The following MTA3 variants were observed in gnomAD, a reference collection of about 807,000 sequenced individuals.
The protein encoded by MTA3 is metastasis associated 1 family member 3.
A neutral mutation model predicts 83.5 loss-of-function variants in MTA3; 34 were observed. The ratio of observed to expected loss-of-function variants is 0.41; its 90% CI spans 0.31 to 0.54. The LOEUF (loss-of-function observed/expected upper bound fraction) is 0.54. Among genes scored for constraint, MTA3 ranks in the 20% least tolerant of loss-of-function variants. MTA3 has a pLI of 0.33. For missense variants in MTA3, 761 were observed against 726.4 expected, an observed-to-expected ratio of 1.05 and a Z score of -0.55; for synonymous variants, 303 against 252.7, an observed-to-expected ratio of 1.20 and a Z score of -1.89.
chr2:42,539,360 G>A (rs1369398871), intron 2 of MTA3, among the ~76,000 whole-genome samples: 2 of 152,048 alleles, frequency 1.3e-5, no homozygotes, highest in Non-Finnish European at 2.9e-5. Flanking sequence ...AGGGCAGCAG[G>A]AGAGAGAAGA....
intron 16 of MTA3, among the ~76,000 whole-genome samples, chr2:42,733,370 G>A (rs1668376528): frequency 6.6e-6 from 1 of 152,122 alleles, no homozygotes; most frequent in African/African-American, 2.4e-5. Flanking sequence ...AATAGCACAG[G>A]AAAGACTGGC....
chr2:42,685,372 C>T (rs1692277161), intron 9 of MTA3, among the ~76,000 whole-genome samples: 1 of 152,128 alleles, frequency 6.6e-6, no homozygotes, highest in African/African-American at 2.4e-5. Flanking sequence ...AAATAGACAT[C>T]AGATCGGGCC....
At chr2:42,518,783 T>C (rs1438661497) in intron 2 of MTA3, among the ~76,000 whole-genome samples, 1 of 151,874 alleles carries the variant, frequency 6.6e-6, no homozygotes, top group South Asian at 2.1e-4. Context: ...CTGGGCAACA[T>C]AGGGAGACCT....
At chr2:42,499,913 A>G (rs1421180022) in intron 2 of MTA3, among the ~76,000 whole-genome samples, 1 of 152,066 alleles carries the variant, frequency 6.6e-6, no homozygotes, top group Non-Finnish European at 1.5e-5. Flanking sequence ...TGAAATATGT[A>G]CAGTTTTTTG....
chr2:42,648,768 A>T (rs555105683), intron 6 of MTA3, among the ~76,000 whole-genome samples: 1 of 152,228 alleles, frequency 6.6e-6, no homozygotes, highest in Non-Finnish European at 1.5e-5. Flanking sequence ...ATGTATTATT[A>T]TAACATTGGA....
At chr2:42,515,917 T>G (rs1273985982) in intron 2 of MTA3, among the ~76,000 whole-genome samples, 1 of 151,148 alleles carries the variant, frequency 6.6e-6, no homozygotes, top group African/African-American at 2.4e-5. Flanking sequence ...CTCGGCTCAC[T>G]GCCAGCTCTG....
At position 42,524,305 on chromosome 2, in the gene MTA3, T is replaced by A. The variant is rs557643811; in HGVS notation, c.-141+29051T>A. Reference sequence around the variant, plus strand: ...TCAATGGTTGCAACCATTATTATTATTTTTTTTTTTTTTTAAATGGAGTCT... The same window carrying A: ...TCAATGGTTGCAACCATTATTATTAATTTTTTTTTTTTTTAAATGGAGTCT... On this transcript the variant is annotated intron_variant, in intron 2 of 17. Transcript: ENST00000405592. Among the ~76,000 whole-genome samples, 846 of 144,356 alleles carry A rather than the reference T, an allele frequency of 5.9e-3. 5 individuals are homozygous for A. Among genetic ancestry groups the A allele is most frequent in the Middle Eastern group, 0.018 (5 of 276 alleles). 94.7% of individuals were successfully genotyped at this position (144,356 alleles called of 152,430 possible).
chr2:42,617,619 A>G (rs1023435367), intron 4 of MTA3, among the ~76,000 whole-genome samples: 2 of 151,842 alleles, frequency 1.3e-5, no homozygotes, highest in Non-Finnish European at 2.9e-5. Context: ...TCTACTAAAA[A>G]TACAAAATTA....
intron 3 of MTA3, among the ~76,000 whole-genome samples, chr2:42,602,054 T>C (rs1288230656): frequency 1.3e-5 from 2 of 152,224 alleles, no homozygotes; most frequent in African/African-American, 4.8e-5. Context: ...TTGGCCAGGC[T>C]GGTCTCGAAC....
intron 4 of MTA3, among the ~76,000 whole-genome samples, chr2:42,615,530 A>G (rs1041875442): frequency 1.3e-5 from 2 of 150,706 alleles, no homozygotes; most frequent in African/African-American, 4.9e-5. Context: ...TAATTTTTGT[A>G]TTTTTAGTAG....
chr2:42,713,282 G>T (rs898386516), intron 14 of MTA3, among the ~76,000 whole-genome samples: 3 of 152,178 alleles, frequency 2.0e-5, no homozygotes, highest in Non-Finnish European at 4.4e-5. Flanking sequence ...TTTGGCTTTG[G>T]AAGTATCTCA....
intron 2 of MTA3, among the ~76,000 whole-genome samples, chr2:42,513,811 C>T (rs540755362): frequency 2.6e-5 from 4 of 152,276 alleles, no homozygotes; most frequent in South Asian, 2.1e-4. Flanking sequence ...GAGGGGCAAA[C>T]GGGCTTACAC....
chr2:42,608,849 A>G (rs949682912), intron 3 of MTA3, among the ~76,000 whole-genome samples: 14 of 152,158 alleles, frequency 9.2e-5, no homozygotes, highest in Non-Finnish European at 1.0e-4. Flanking sequence ...ACACCACTGC[A>G]CTCCAGCCTG....
intron 3 of MTA3, among the ~76,000 whole-genome samples, chr2:42,597,758 G>A (rs1189421866): frequency 6.8e-6 from 1 of 146,570 alleles, no homozygotes; most frequent in African/African-American, 2.6e-5. Context: ...TCAGCTTACT[G>A]CAACCTCTGC....
At chr2:42,506,857 T>C (rs552133734) in intron 2 of MTA3, among the ~76,000 whole-genome samples, 2 of 152,168 alleles carry the variant, frequency 1.3e-5, no homozygotes, top group African/African-American at 4.8e-5. Flanking sequence ...TCCGGCCGTC[T>C]TGGCCTCCCA....
At position 42,597,684 on chromosome 2, in the gene MTA3, G is replaced by GTTTT. The variant is rs10690551; in HGVS notation, c.191-11763_191-11760dup. On this transcript the variant is annotated intron_variant, in intron 3 of 16. Coordinates refer to ENST00000405094, the MANE Select transcript of MTA3 (RefSeq NM_001330442.2). The stretch of plus-strand genomic sequence containing the variant: ...CAGGTGTGAGCCACCTCACCCACCT[G>GTTTT]TTTTTTTTTTTTTTGAGATGGGGTC... 6.9e-3 allele frequency among the ~76,000 whole-genome samples: 893 copies of GTTTT among 128,922 alleles called. 32 individuals are homozygous for GTTTT. Among genetic ancestry groups the GTTTT allele is most frequent in the African/African-American group, 0.018 (609 of 33,746 alleles). 84.6% of individuals were successfully genotyped at this position (128,922 alleles called of 152,430 possible). A position where few individuals can be genotyped will look rare whatever the true frequency, so the allele number is the denominator to read the frequency against.
upstream of MTA3, among the ~76,000 whole-genome samples, chr2:42,565,930 G>A (rs13017145): frequency 0.32 from 48,503 of 151,954 alleles, 7,956 homozygotes; most frequent in South Asian, 0.41. Flanking sequence ...CTTGAGCCTC[G>A]GAGGTGGAGC....
chr2:42,753,310 C>T, intron 16 of MTA3, 64 bp from the exon 17 acceptor site: 1 of 1,549,172 alleles, frequency 6.5e-7, no homozygotes, highest in South Asian at 1.2e-5. Context: ...GTCCATCCTC[C>T]CTTTCATCTT....
intron 12 of MTA3, among the ~76,000 whole-genome samples, chr2:42,706,203 C>T (rs904880502): frequency 4.6e-4 from 70 of 152,120 alleles, no homozygotes; most frequent in African/African-American, 1.6e-3. Context: ...TGCAGCACCC[C>T]AGCATGGCAC....
Sources: gnomAD v4.1 joint callset for allele counts (sites outside exome capture counted in the v4.1 genomes callset) on GRCh38, gnomAD v4.1.1 for gene constraint, MANE v1.5 for transcripts, NCBI Gene and HGNC (gene_info 2026-07-23, HGNC 2026-07-21) for gene names.